The following CNTN6 variants were observed in gnomAD, a reference collection of about 807,000 sequenced individuals.
The protein encoded by CNTN6 is contactin-6.
CNTN6 carries 137 observed loss-of-function variants against 122.8 expected under a neutral mutation model. The observed-to-expected ratio is 1.12, with a 90% confidence interval of 0.97 to 1.29. The LOEUF (loss-of-function observed/expected upper bound fraction) is 1.29, where lower values mean the gene tolerates loss of function less well. Ranked by LOEUF, CNTN6 falls within the 50% of genes most tolerant of loss-of-function variation. The pLI, the probability that CNTN6 is intolerant of heterozygous loss-of-function variation, is 0.00. For missense variants in CNTN6, 1,634 were observed against 1,223.4 expected, an observed-to-expected ratio of 1.34 and a Z score of -5.01; for synonymous variants, 570 against 426.0, an observed-to-expected ratio of 1.34 and a Z score of -4.16.
intron 11 of CNTN6, among the ~76,000 whole-genome samples, chr3:1,350,735 G>A (rs1705494888): frequency 1.3e-5 from 2 of 151,802 alleles, no homozygotes; most frequent in African/African-American, 4.8e-5. Flanking sequence ...TTAGATATCA[G>A]CAGACCTATC....
intron 4 of CNTN6, among the ~76,000 whole-genome samples, chr3:1,243,201 G>A (rs1261900573): frequency 6.6e-6 from 1 of 152,148 alleles, no homozygotes; most frequent in Non-Finnish European, 1.5e-5. Context: ...GCACAGATGG[G>A]ACGCGGCTTA....
At chr3:1,349,017 C>T (rs534326356) in intron 11 of CNTN6, among the ~76,000 whole-genome samples, 24 of 152,024 alleles carry the variant, frequency 1.6e-4, no homozygotes, top group African/African-American at 4.1e-4. Context: ...CATTGTAACA[C>T]CTAACATACC....
At chr3:1,340,297 AT>A (rs1203717088) in intron 11 of CNTN6, among the ~76,000 whole-genome samples, 7 of 152,176 alleles carry the variant, frequency 4.6e-5, no homozygotes, top group African/African-American at 7.2e-5. Flanking sequence ...TACTAAAAAA[AT>A]CTTCTGAAAA....
intron 7 of CNTN6, among the ~76,000 whole-genome samples, chr3:1,317,888 TAAAAA>T (rs76953561): frequency 1.5e-5 from 2 of 130,748 alleles, no homozygotes; most frequent in Non-Finnish European, 3.3e-5. Context: ...AAATGCAGGT[TAAAAA>T]AAAAAAAAAA....
At chr3:1,290,183 CAG>C (rs1356202096) in intron 5 of CNTN6, among the ~76,000 whole-genome samples, 1 of 152,214 alleles carries the variant, frequency 6.6e-6, no homozygotes, top group Non-Finnish European at 1.5e-5. Flanking sequence ...ACCTCTGCTT[CAG>C]AGAGGCCCAT....
chr3:1,251,388 C>G (rs2094665921), intron 4 of CNTN6, among the ~76,000 whole-genome samples: 2 of 152,298 alleles, frequency 1.3e-5, no homozygotes, highest in Admixed American at 1.3e-4. Flanking sequence ...ATCCTAACAA[C>G]TACTCCTGTC....
intron 20 of CNTN6, among the ~76,000 whole-genome samples, chr3:1,387,294 G>A (rs1693163719): frequency 6.6e-6 from 1 of 152,194 alleles, no homozygotes; most frequent in Non-Finnish European, 1.5e-5. Context: ...AGGCTGGGCT[G>A]TGAGTTATTT....
At chr3:1,167,135 G>C (rs1286325283) in intron 2 of CNTN6, among the ~76,000 whole-genome samples, 1 of 151,714 alleles carries the variant, frequency 6.6e-6, no homozygotes, top group Non-Finnish European at 1.5e-5. Flanking sequence ...GTGGAGGAGT[G>C]GGGAGAATAA....
At chr3:1,238,915 A>G (rs2094450946) in intron 4 of CNTN6, among the ~76,000 whole-genome samples, 1 of 152,184 alleles carries the variant, frequency 6.6e-6, no homozygotes, top group African/African-American at 2.4e-5. Flanking sequence ...AGAAAAGAAG[A>G]GAGAAGATCC....
intron 12 of CNTN6, among the ~76,000 whole-genome samples, chr3:1,357,798 T>C (rs994997379): frequency 6.6e-6 from 1 of 151,812 alleles, no homozygotes; most frequent in Non-Finnish European, 1.5e-5. Flanking sequence ...AAAAATTCAT[T>C]TGAGTGCAAT....
intron 2 of CNTN6, among the ~76,000 whole-genome samples, chr3:1,220,235 C>T (rs960040397): frequency 2.0e-5 from 3 of 150,914 alleles, no homozygotes; most frequent in African/African-American, 7.3e-5. Context: ...ACTTGGGAGG[C>T]TGAGATGGGA....
Position 1,203,843 on chromosome 3 carries a change from G to A in CNTN6, c.56-16844G>A, listed in dbSNP as rs1457195396. Reference sequence around the variant, plus strand: ...ACCGACTCCCCCCTATGAGATGGTGGTAACTTAGGATTATAATACCTTTTC... The same window carrying A: ...ACCGACTCCCCCCTATGAGATGGTGATAACTTAGGATTATAATACCTTTTC... On this transcript the variant is annotated intron_variant, in intron 2 of 22. Coordinates refer to ENST00000446702, the MANE Select transcript of CNTN6 (RefSeq NM_001289080.2). Among the ~76,000 whole-genome samples, 4 of 152,120 alleles carry A rather than the reference G, an allele frequency of 2.6e-5. No individual in the cohort carries two copies. The East Asian group carries it at 7.7e-4, about 29-fold the overall frequency.
At chr3:1,205,046 AG>A (rs1259810471) in intron 2 of CNTN6, among the ~76,000 whole-genome samples, 2 of 152,164 alleles carry the variant, frequency 1.3e-5, no homozygotes, top group African/African-American at 4.8e-5. Context: ...AGGTAGAAAA[AG>A]GGCCAGAGGA....
intron 11 of CNTN6, among the ~76,000 whole-genome samples, chr3:1,350,160 G>T (rs1705401716): frequency 6.6e-6 from 1 of 151,770 alleles, no homozygotes; most frequent in Admixed American, 6.6e-5. Context: ...AAACTTAATT[G>T]TACATGCTAG....
chr3:1,336,814 G>C (rs1204438897), intron 11 of CNTN6, among the ~76,000 whole-genome samples: 3 of 152,084 alleles, frequency 2.0e-5, no homozygotes, highest in Non-Finnish European at 2.9e-5. Context: ...CACCTGCCTG[G>C]CTCCGCAATG....
Position 1,383,424 on chromosome 3 carries a change from T to A in CNTN6, c.2517+16T>A, listed in dbSNP as rs754518588. 3 of 1,600,416 alleles carry A rather than the reference T, an allele frequency of 1.9e-6. No individual in the cohort carries two copies. In the South Asian group the frequency reaches 3.3e-5, roughly 18 times the overall value. ...GGGCTATGAGGTAATCCACATTAATTTCACTTTTGCTTATGAATGTGCCAA... is the reference window on the plus strand; with the variant it reads ...GGGCTATGAGGTAATCCACATTAATATCACTTTTGCTTATGAATGTGCCAA... On this transcript the variant is annotated intron_variant, in intron 19 of 22. Transcript: ENST00000446702.
intron 1 of CNTN6, among the ~76,000 whole-genome samples, chr3:1,125,682 G>T (rs973693617): frequency 6.6e-6 from 1 of 151,434 alleles, no homozygotes; most frequent in Non-Finnish European, 1.5e-5. Context: ...CCAAGTTTTA[G>T]TGCTGCTTTA....
chr3:1,393,581 CTTGTGTGTAA>C (rs1694553478), intron 20 of CNTN6, among the ~76,000 whole-genome samples: 2 of 142,648 alleles, frequency 1.4e-5, no homozygotes, highest in African/African-American at 5.1e-5. Flanking sequence ...AAAAGAAACT[CTTGTGTGTAA>C]TTCAGTTTCT....
intron 1 of CNTN6, among the ~76,000 whole-genome samples, chr3:1,107,073 A>G (rs1052339531): frequency 4.6e-5 from 7 of 152,078 alleles, no homozygotes; most frequent in Admixed American, 3.3e-4. Flanking sequence ...ATGGTAATCT[A>G]CTTTACTGAG....
Sources: gnomAD v4.1 joint callset for allele counts (sites outside exome capture counted in the v4.1 genomes callset) on GRCh38, gnomAD v4.1.1 for gene constraint, MANE v1.5 for transcripts, NCBI Gene and HGNC (gene_info 2026-07-23, HGNC 2026-07-21) for gene names.